Variants in DSC3 observed in about 807,000 individuals in gnomAD.
The protein encoded by DSC3 is desmocollin-3.
A neutral mutation model predicts 89.5 loss-of-function variants in DSC3; 97 were observed. The observed-to-expected ratio is 1.08, with a 90% confidence interval of 0.92 to 1.28. The LOEUF (loss-of-function observed/expected upper bound fraction) is 1.28, where lower values mean the gene tolerates loss of function less well. Ranked by LOEUF, DSC3 falls within the 50% of genes most tolerant of loss-of-function variation. The probability of loss-of-function intolerance (pLI) is 0.00; values close to 1 mark genes in which losing one functional copy is unlikely to be tolerated. For synonymous variants in DSC3, 436 were observed against 384.1 expected, an observed-to-expected ratio of 1.14 and a Z score of -1.58; for missense variants, 1,199 against 1,085.3, an observed-to-expected ratio of 1.10 and a Z score of -1.47.
chr18:31,005,731 G>T (rs1282421861), intron 12 of DSC3, among the ~76,000 whole-genome samples: 2 of 152,130 alleles, frequency 1.3e-5, no homozygotes, highest in Non-Finnish European at 2.9e-5. Flanking sequence ...AAACATTCTA[G>T]GAAACTCATG....
At chr18:31,021,924 T>G (rs1040469038) in intron 7 of DSC3, among the ~76,000 whole-genome samples, 5 of 152,124 alleles carry the variant, frequency 3.3e-5, no homozygotes, top group African/African-American at 1.2e-4. Context: ...TCAATTTTAT[T>G]TCAACTAATC....
At position 30,991,312 on chromosome 18, in the gene DSC3, G is replaced by A. The variant is rs549491615; in HGVS notation, c.*2863C>T. 4 of 152,564 alleles carry A rather than the reference G, an allele frequency of 2.6e-5. No individual in the cohort carries two copies. The highest frequency in any genetic ancestry group is 7.2e-5 in the African/African-American group (3 of 41,506). The allele number at this position is 152,564 out of a possible 1,614,324, so 9.5% of individuals were successfully genotyped here. ...AAAAATTCTAAATCATTCACTGGGG[G>A]AAAAATGAAAGCTTTAAAAATATAT... On this transcript the variant is annotated 3_prime_UTR_variant, in exon 16 of 16. Transcript: ENST00000360428.
At chr18:30,999,197 C>G (rs1286093640) in intron 14 of DSC3, among the ~76,000 whole-genome samples, 1 of 152,118 alleles carries the variant, frequency 6.6e-6, no homozygotes, top group African/African-American at 2.4e-5. Context: ...CATTCAGGTT[C>G]CTTTGTGCCA....
At chr18:31,020,676 C>T (rs1041470831) in intron 7 of DSC3, among the ~76,000 whole-genome samples, 4 of 152,072 alleles carry the variant, frequency 2.6e-5, no homozygotes, top group African/African-American at 4.8e-5. Flanking sequence ...GGTGCCATGG[C>T]TCATGCCTGT....
intron 11 of DSC3, 48 bp from the exon 12 acceptor site, chr18:31,007,179 A>T: frequency 7.1e-7 from 1 of 1,408,716 alleles, no homozygotes. Context: ...ATTCTTTCAT[A>T]GTTTCTTAAA....
intron 4 of DSC3, among the ~76,000 whole-genome samples, chr18:31,028,389 A>T (rs1985672727): frequency 6.6e-6 from 1 of 152,154 alleles, no homozygotes; most frequent in Non-Finnish European, 1.5e-5. Context: ...GAGGACTAAG[A>T]TGGTGACTGG....
At chr18:31,014,937 C>T (rs1005092351) in intron 9 of DSC3, among the ~76,000 whole-genome samples, 1 of 152,034 alleles carries the variant, frequency 6.6e-6, no homozygotes, top group Non-Finnish European at 1.5e-5. Context: ...TGGGGTTTGC[C>T]TTTTTAAAAA....
At chr18:31,033,488 C>T (rs1412541037) in intron 1 of DSC3, among the ~76,000 whole-genome samples, 1 of 151,974 alleles carries the variant, frequency 6.6e-6, no homozygotes, top group Admixed American at 6.6e-5. Context: ...CCAGACATTT[C>T]AAGAGAAATA....
Position 31,008,552 on chromosome 18 carries a change from G to C in DSC3, c.1264-27C>G, listed in dbSNP as rs1272952404. The C allele has an allele frequency of 1.9e-6, 3 of 1,612,558 alleles. No homozygotes were observed. In the African/African-American group the frequency reaches 4.0e-5, roughly 21 times the overall value. Reference sequence around the variant, plus strand: ...TTTAAAATAAAGTCCATGTATATCAGTGTCAGTGTAAAATACATCTGGCAT... The same window carrying C: ...TTTAAAATAAAGTCCATGTATATCACTGTCAGTGTAAAATACATCTGGCAT... On this transcript the variant is annotated intron_variant, in intron 9 of 15. Transcript: ENST00000360428.
rs1408594165 is a variant in DSC3, at chr18:30,992,692, A to C, written c.*1483T>G. The C allele has an allele frequency of 1.3e-5, 2 of 152,248 alleles. No individual in the cohort carries two copies. The highest frequency in any genetic ancestry group is 2.4e-5 in the African/African-American group (1 of 41,470). 9.4% of individuals were successfully genotyped at this position (152,248 alleles called of 1,614,324 possible). On this transcript the variant is annotated 3_prime_UTR_variant, in exon 16 of 16. Transcript: ENST00000360428. ...TTTCTCCCAAAGTTCCCTCTGTTCT[A>C]AAATGACAACTTGATCTTTTTCTTT...
In DSC3 at chr18:31,008,398, TC is replaced by T; in HGVS notation, c.1390del (p.Asp464IlefsTer21). On this transcript the variant is annotated frameshift_variant, in exon 10 of 16. Coordinates refer to ENST00000360428, the MANE Select transcript of DSC3 (RefSeq NM_001941.5). LOFTEE classifies it high-confidence loss of function. ...AGTGCATTCAGGCCCCTCATCCAGATCCCTCACATGAACTGTAACCAAGGCT... is the reference window on the plus strand; with the variant it reads ...AGTGCATTCAGGCCCCTCATCCAGATCCTCACATGAACTGTAACCAAGGCT... The part of the protein sequence containing the change: ...NRALVTVHVR[D>X]LDEGPECTPA... The T allele has an allele frequency of 6.2e-7, 1 of 1,614,134 alleles. No homozygotes were observed. Among genetic ancestry groups the T allele is most frequent in the Non-Finnish European group, 8.5e-7 (1 of 1,180,008 alleles).
chr18:31,010,416 T>C (rs1318943371), intron 9 of DSC3, among the ~76,000 whole-genome samples: 2 of 152,174 alleles, frequency 1.3e-5, no homozygotes, highest in African/African-American at 4.8e-5. Context: ...GGTGCAACTA[T>C]TCAATCCAGA....
intron 1 of DSC3, among the ~76,000 whole-genome samples, chr18:31,038,415 G>A (rs758969673): frequency 6.6e-6 from 1 of 152,078 alleles, no homozygotes; most frequent in Non-Finnish European, 1.5e-5. Context: ...ACCTCCTCAA[G>A]TCAATGTTGG....
At chr18:31,018,038 A>C in intron 9 of DSC3, 33 bp downstream of exon 9, 1 of 1,579,208 alleles carries the variant, frequency 6.3e-7, no homozygotes, top group Non-Finnish European at 8.7e-7. Flanking sequence ...AAACCTGTTA[A>C]TTTGCTAAGT....
chr18:31,022,373 C>T lies in DSC3; in HGVS notation c.905G>A (p.Gly302Asp). The T allele has an allele frequency of 6.2e-7, 1 of 1,613,996 alleles. No individual in the cohort carries two copies. Among genetic ancestry groups the T allele is most frequent in the Non-Finnish European group, 8.5e-7 (1 of 1,179,960 alleles). ...PGLFSVHPST[G>D]VITTVSHYLD... ...ATAATGAGAGACTGTGGTGATTACG[C>T]CTGTGCTGGGATGCACAGAAAAGAG... Residue 302 changes from glycine (G) to aspartate (D), a missense_variant, in exon 7 of 16, where the codon GGC (glycine) becomes GAC (aspartate). Gly to Asp is a moderately conservative substitution (Grantham distance 94). Transcript: ENST00000360428.
intron 15 of DSC3, among the ~76,000 whole-genome samples, chr18:30,994,867 A>G (rs1213798228): frequency 3.3e-5 from 5 of 152,346 alleles, no homozygotes; most frequent in Middle Eastern, 3.4e-3. Flanking sequence ...AATGACGCAT[A>G]ATACACTTAT....
rs1188221375 is a variant in DSC3, at chr18:30,992,514, A to G, written c.*1661T>C. ...TCAAATGGCAGTTGCCATTGGCCTG[A>G]GAAAGGAAAAGGCAGTGCCAAGCCT... On this transcript the variant is annotated 3_prime_UTR_variant, in exon 16 of 16. Transcript: ENST00000360428. 1 of 152,230 alleles carries G rather than the reference A, an allele frequency of 6.6e-6. No homozygotes were observed. Among genetic ancestry groups the G allele is most frequent in the Non-Finnish European group, 1.5e-5 (1 of 68,060 alleles). The allele number at this position is 152,230 out of a possible 1,614,324, so 9.4% of individuals were successfully genotyped here.
Position 30,990,740 on chromosome 18 carries a change from A to G in DSC3, c.*3435T>C, listed in dbSNP as rs917262300. 6.6e-6 allele frequency: 1 copy of G among 152,196 alleles called. No homozygotes were observed. Among genetic ancestry groups the G allele is most frequent in the African/African-American group, 2.4e-5 (1 of 41,460 alleles). 9.4% of individuals were successfully genotyped at this position (152,196 alleles called of 1,614,324 possible). A position where few individuals can be genotyped will look rare whatever the true frequency, so the allele number is the denominator to read the frequency against. ...CCTTGACTACACTGGTCCTCAAAGTAAAACCCCTGTGTCAGTGTACTATTC... is the reference window on the plus strand; with the variant it reads ...CCTTGACTACACTGGTCCTCAAAGTGAAACCCCTGTGTCAGTGTACTATTC... On this transcript the variant is annotated 3_prime_UTR_variant, in exon 16 of 16. Coordinates refer to ENST00000360428, the MANE Select transcript of DSC3 (RefSeq NM_001941.5).
chr18:31,015,103 T>C (rs1392764738), intron 9 of DSC3, among the ~76,000 whole-genome samples: 1 of 152,326 alleles, frequency 6.6e-6, no homozygotes, highest in Non-Finnish European at 1.5e-5. Context: ...AAGTATTTCC[T>C]TCATGTAGAA....
Sources: gnomAD v4.1 joint callset for allele counts (sites outside exome capture counted in the v4.1 genomes callset) on GRCh38, gnomAD v4.1.1 for gene constraint, MANE v1.5 for transcripts, NCBI Gene and HGNC (gene_info 2026-07-23, HGNC 2026-07-21) for gene names.